GRAMD2A: variants seen among roughly 807,000 people sequenced by gnomAD.
The protein encoded by GRAMD2A is GRAM domain-containing protein 2A.
A neutral mutation model predicts 51.1 loss-of-function variants in GRAMD2A; 37 were observed. The observed-to-expected ratio is 0.72, with a 90% CI of 0.56 to 0.95. The LOEUF (loss-of-function observed/expected upper bound fraction) is 0.95. GRAMD2A is among the 40% of genes least tolerant of loss of function. The pLI is 0.00. For missense variants in GRAMD2A, 414 were observed against 426.9 expected, an observed-to-expected ratio of 0.97 and a Z score of 0.27; for synonymous variants, 136 against 157.1, an observed-to-expected ratio of 0.87 and a Z score of 1.01.
rs1269766583 is a variant in GRAMD2A at position 72,167,857 on chromosome 15, A to G, written c.269-18T>C. ...GGAACACACTAGGATGTCACAGGAG[A>G]GAAAATGGCCATAAGCAAGGTCAGC... is the stretch of plus-strand genomic sequence containing the variant. On this transcript the variant is annotated intron_variant, in intron 4 of 11. Transcript: ENST00000309731. The G allele has an allele frequency of 6.3e-7, 1 of 1,587,608 alleles. No individual in the cohort carries two copies. Among genetic ancestry groups the G allele is most frequent in the Non-Finnish European group, 8.7e-7 (1 of 1,156,030 alleles).
Position 72,197,755 on chromosome 15 carries a change from C to A in GRAMD2A, c.17G>T (p.Arg6Leu). 1.5e-6 allele frequency: 2 copies of A among 1,324,466 alleles called. No individual in the cohort carries two copies. The highest frequency in any genetic ancestry group is 1.9e-6 in the Non-Finnish European group (2 of 1,029,306). 82.0% of individuals were successfully genotyped at this position (1,324,466 alleles called of 1,614,324 possible). The part of the protein sequence containing the change: MTALS[R>L]SEATEEGGNQ... ...CCCGCCCTCCTCGGTGGCCTCGCTCCGGCTTAAAGCGGTCATCCCGGCGCC... is the reference window on the plus strand; with the variant it reads ...CCCGCCCTCCTCGGTGGCCTCGCTCAGGCTTAAAGCGGTCATCCCGGCGCC... Residue 6 changes from arginine to leucine, a missense_variant, in exon 1 of 12, where the codon CGG becomes CTG. Coordinates refer to ENST00000309731, the MANE Select transcript of GRAMD2A (RefSeq NM_001012642.3).
intron 3 of GRAMD2A, 49 bp downstream of exon 3, chr15:72,168,890 C>G (rs1267884166): frequency 1.3e-6 from 2 of 1,565,064 alleles, no homozygotes; most frequent in Non-Finnish European, 1.8e-6. Context: ...TTCTGGCAGC[C>G]CAGGACCCCT....
At position 72,167,074 on chromosome 15, in the gene GRAMD2A, A is replaced by T. The variant is rs751175946; in HGVS notation, c.391T>A (p.Ser131Thr). The change falls in exon 6 of 12, where the codon TCT becomes ACT. Residue 131 changes from serine to threonine, a missense_variant. Physicochemically the swap from Ser to Thr is moderately conservative, Grantham distance 58. Coordinates refer to ENST00000309731, the MANE Select transcript of GRAMD2A (RefSeq NM_001012642.3). ...KDIKVVIPVV[S>T]VQMIKKHKMA... Reference sequence around the variant, plus strand: ...TTGTGTTTTTTGATCATTTGCACAGACACCACAGGAATGACCACCTGAGAG... The same window carrying T: ...TTGTGTTTTTTGATCATTTGCACAGTCACCACAGGAATGACCACCTGAGAG... The T allele has an allele frequency of 6.2e-7, 1 of 1,613,764 alleles. No individual in the cohort carries two copies. Among genetic ancestry groups the T allele is most frequent in the Admixed American group, 1.7e-5 (1 of 60,018 alleles).
At chr15:72,197,087 TCTGCC>T (rs2081810635) in intron 1 of GRAMD2A, among the ~76,000 whole-genome samples, 1 of 152,194 alleles carries the variant, frequency 6.6e-6, no homozygotes, top group Non-Finnish European at 1.5e-5. Flanking sequence ...CCAGCTCCTG[TCTGCC>T]CTGCCTCCTT....
intron 1 of GRAMD2A, among the ~76,000 whole-genome samples, chr15:72,190,028 T>C (rs1026241794): frequency 6.6e-6 from 1 of 152,238 alleles, no homozygotes. Context: ...TGTATGCCTA[T>C]ACATGAATAT....
chr15:72,164,069 CGGCACAACAT>C (rs1259165405), intron 8 of GRAMD2A, among the ~76,000 whole-genome samples: 2 of 152,178 alleles, frequency 1.3e-5, no homozygotes, highest in Non-Finnish European at 2.9e-5. Flanking sequence ...CAAGAAAGCT[CGGCACAACAT>C]GTCTTAGGTA....
At position 72,170,397 on chromosome 15, in the gene GRAMD2A, T is replaced by TCAGGAGC. The variant is rs2081598792; in HGVS notation, c.42-459_42-458insGCTCCTG. Reference sequence around the variant, plus strand: ...GAAAGTAGGCTGAGCACAGGAGGCCTTATCAAAGCTCAGGAGCTGATGCGC... The same window carrying TCAGGAGC: ...GAAAGTAGGCTGAGCACAGGAGGCCTCAGGAGCTATCAAAGCTCAGGAGCTGATGCGC... On this transcript the variant is annotated intron_variant, in intron 1 of 11. Coordinates refer to ENST00000309731, the MANE Select transcript of GRAMD2A (RefSeq NM_001012642.3). The surrounding 1 kb of genome is among the most constrained non-coding windows in gnomAD (Gnocchi z 4.5). The TCAGGAGC allele has an allele frequency of 2.2e-6, 1 of 456,238 alleles. No homozygotes were observed. The highest frequency in any genetic ancestry group is 2.0e-5 in the African/African-American group (1 of 50,066). The allele number at this position is 456,238 out of a possible 1,614,324, so 28.3% of individuals were successfully genotyped here. A position where few individuals can be genotyped will look rare whatever the true frequency, so the allele number is the denominator to read the frequency against.
chr15:72,173,183 T>C (rs747223619), intron 1 of GRAMD2A, among the ~76,000 whole-genome samples: 8 of 152,178 alleles, frequency 5.3e-5, no homozygotes, highest in Non-Finnish European at 1.2e-4. Flanking sequence ...CCCTGGGAAC[T>C]GAAATACAGT....
chr15:72,188,577 T>C (rs1257461187), intron 1 of GRAMD2A, among the ~76,000 whole-genome samples: 5 of 152,188 alleles, frequency 3.3e-5, no homozygotes. Context: ...CCTAATAATA[T>C]ATGTAGAAAG....
chr15:72,165,459 G>T (rs367825130), intron 7 of GRAMD2A, 49 bp from the exon 8 acceptor site: 66 of 1,563,620 alleles, frequency 4.2e-5, no homozygotes, highest in Non-Finnish European at 5.6e-5. Context: ...GAACAGGCAA[G>T]GTCAGGCAGG....
At chr15:72,175,026 T>G (rs890550598) in intron 1 of GRAMD2A, among the ~76,000 whole-genome samples, 1 of 151,982 alleles carries the variant, frequency 6.6e-6, no homozygotes, top group Non-Finnish European at 1.5e-5. Context: ...GACGTGTCCA[T>G]GCATGTAATC....
intron 2 of GRAMD2A, chr15:72,169,582 C>T: frequency 1.5e-6 from 1 of 659,052 alleles, no homozygotes; most frequent in Non-Finnish European, 2.8e-6. Flanking sequence ...AAAAGGTAAA[C>T]CTTTGCCTTG....
chr15:72,178,953 C>T (rs955613505), intron 1 of GRAMD2A, among the ~76,000 whole-genome samples: 1 of 152,158 alleles, frequency 6.6e-6, no homozygotes, highest in Non-Finnish European at 1.5e-5. Context: ...CTGCTTTGTC[C>T]TTTCCACTGA....
intron 1 of GRAMD2A, among the ~76,000 whole-genome samples, chr15:72,185,189 GTTT>G (rs761749553): frequency 1.4e-5 from 2 of 139,960 alleles, no homozygotes; most frequent in African/African-American, 2.6e-5. Context: ...TTTTGTTCCA[GTTT>G]TTTTTTTTTT....
intron 1 of GRAMD2A, among the ~76,000 whole-genome samples, chr15:72,196,093 T>C (rs74025235): frequency 1.9e-3 from 293 of 152,296 alleles, no homozygotes; most frequent in African/African-American, 6.6e-3. Context: ...TCTGTCAGCT[T>C]TCCCCTCTGG....
chr15:72,170,147 G>A lies in GRAMD2A; in HGVS notation c.42-208C>T, dbSNP rs1037062574. On this transcript the variant is annotated intron_variant, in intron 1 of 11. Transcript: ENST00000309731. The surrounding 1 kb of genome is among the most constrained non-coding windows in gnomAD (Gnocchi z 4.5). ...ACGGAGTAGGCGGGTCTCACACAGC[G>A]TCTTTCCCGAAAGCCAGAAGTTCTG... 3.1e-5 allele frequency: 21 copies of A among 672,074 alleles called. No homozygotes were observed. Among genetic ancestry groups the A allele is most frequent in the Admixed American group, 6.1e-5 (3 of 49,022 alleles). 41.6% of individuals were successfully genotyped at this position (672,074 alleles called of 1,614,324 possible). A position where few individuals can be genotyped will look rare whatever the true frequency, so the allele number is the denominator to read the frequency against.
Position 72,169,863 on chromosome 15 carries a change from C to T in GRAMD2A, c.118G>A (p.Glu40Lys), listed in dbSNP as rs1567084520. 8 of 1,613,684 alleles carry T rather than the reference C, an allele frequency of 5.0e-6. No individual in the cohort carries two copies. Among genetic ancestry groups the T allele is most frequent in the African/African-American group, 1.3e-5 (1 of 74,914 alleles). ...GGTCCTCACCTGTAGTCCGGGGGCTCCTCAACTCTGTCTGGTTTCTCTTTG... is the reference window on the plus strand; with the variant it reads ...GGTCCTCACCTGTAGTCCGGGGGCTTCTCAACTCTGTCTGGTTTCTCTTTG... The part of the protein sequence containing the change: ...SCKEKPDRVE[E>K]PPDYSLHWPE... Residue 40 changes from glutamate (E) to lysine (K), a missense_variant, in exon 2 of 12, where the codon GAG (glutamate) becomes AAG (lysine). Coordinates refer to ENST00000309731, the MANE Select transcript of GRAMD2A (RefSeq NM_001012642.3).
intron 1 of GRAMD2A, among the ~76,000 whole-genome samples, chr15:72,174,102 C>T (rs1467572132): frequency 3.9e-5 from 6 of 152,092 alleles, no homozygotes; most frequent in Admixed American, 6.5e-5. Flanking sequence ...AAACCTGCCG[C>T]GCTCTCAAAA....
At chr15:72,183,666 C>T (rs2081714809) in intron 1 of GRAMD2A, among the ~76,000 whole-genome samples, 1 of 152,006 alleles carries the variant, frequency 6.6e-6, no homozygotes. Context: ...CCTGTCTCTA[C>T]TAAAAAAAAT....
Sources: allele counts gnomAD v4.1 joint callset (sites outside exome capture counted in the v4.1 genomes callset), GRCh38; gene constraint gnomAD v4.1.1; non-coding constraint Gnocchi (gnomAD v3.1); transcripts MANE v1.5; gene names NCBI Gene and HGNC (gene_info 2026-07-23, HGNC 2026-07-21).